The following GALNT13 variants were observed in gnomAD, a reference collection of about 807,000 sequenced individuals.
GALNT13 encodes polypeptide N-acetylgalactosaminyltransferase 13.
In GALNT13, 28 loss-of-function variants were observed where a neutral mutation model predicts 64.2. The observed-to-expected ratio is 0.44, with a 90% confidence interval of 0.32 to 0.60. GALNT13 has a LOEUF of 0.60. Ranked by LOEUF, GALNT13 falls within the 20% of genes least tolerant of loss-of-function variation. The pLI is 0.05. For missense variants in GALNT13, 577 were observed against 669.8 expected (o/e 0.86, Z 1.53); for synonymous variants, 214 against 224.6 (o/e 0.95, Z 0.42).
intron 11 of GALNT13, among the ~76,000 whole-genome samples, chr2:154,428,795 T>TAA (rs1553532868): frequency 1.4e-5 from 2 of 146,732 alleles, no homozygotes; most frequent in African/African-American, 5.2e-5. Context: ...TTTTTTTTTT[T>TAA]ATTTGAGATG....
chr2:153,830,006 A>G, the GALNT13 span, among the ~76,000 whole-genome samples: 1 of 152,178 alleles, frequency 6.6e-6, no homozygotes, highest in African/African-American at 2.4e-5. Context: ...TAAAAATTGT[A>G]TATCTTAGTA....
intron 3 of GALNT13, among the ~76,000 whole-genome samples, chr2:153,959,131 AC>A (rs1365154278): frequency 6.6e-6 from 1 of 152,238 alleles, no homozygotes; most frequent in Non-Finnish European, 1.5e-5. Context: ...AGGGGCTATA[AC>A]CCACCATACT....
intron 4 of GALNT13, among the ~76,000 whole-genome samples, chr2:154,201,518 T>G (rs1325234409): frequency 6.6e-6 from 1 of 152,080 alleles, no homozygotes; most frequent in Non-Finnish European, 1.5e-5. Flanking sequence ...TTACTTTATT[T>G]AAAGTGTCAT....
chr2:153,489,628 A>T, the GALNT13 span, among the ~76,000 whole-genome samples: 1 of 152,320 alleles, frequency 6.6e-6, no homozygotes, highest in Non-Finnish European at 1.5e-5. Context: ...GGAATTACTA[A>T]TCCCCAACCT....
At chr2:153,762,822 T>A in the GALNT13 span, among the ~76,000 whole-genome samples, 2 of 150,898 alleles carry the variant, frequency 1.3e-5, no homozygotes, top group African/African-American at 4.9e-5. Context: ...TATATATATT[T>A]TTTCTTCCTC....
intron 3 of GALNT13, among the ~76,000 whole-genome samples, chr2:154,037,702 A>T (rs937468730): frequency 6.6e-6 from 1 of 152,240 alleles, no homozygotes; most frequent in African/African-American, 2.4e-5. Flanking sequence ...TATCATTCAT[A>T]TATATCAACA....
At chr2:153,648,140 A>C in the GALNT13 span, among the ~76,000 whole-genome samples, 9 of 152,026 alleles carry the variant, frequency 5.9e-5, no homozygotes, top group East Asian at 3.9e-4. Context: ...CTTTTATTTC[A>C]TTGAGCAGTG....
At chr2:153,435,467 A>G in the GALNT13 span, among the ~76,000 whole-genome samples, 44 of 152,048 alleles carry the variant, frequency 2.9e-4, no homozygotes, top group African/African-American at 8.4e-4. Flanking sequence ...ATGAGCATGG[A>G]ATGTTCTTCC....
chr2:153,727,199 A>G, the GALNT13 span, among the ~76,000 whole-genome samples: 1 of 152,142 alleles, frequency 6.6e-6, no homozygotes. Flanking sequence ...CTGATTTCTC[A>G]CATAATATAT....
the GALNT13 span, among the ~76,000 whole-genome samples, chr2:153,626,682 AG>A: frequency 6.6e-6 from 1 of 152,274 alleles, no homozygotes; most frequent in Middle Eastern, 3.4e-3. Flanking sequence ...TGGCTAAATC[AG>A]GGATTGACAA....
the GALNT13 span, among the ~76,000 whole-genome samples, chr2:153,367,016 C>CAAAAAAAAAA: frequency 6.7e-6 from 1 of 148,192 alleles, no homozygotes. Context: ...AACAAACAAA[C>CAAAAAAAAAA]AAAAAAAAAA....
chr2:153,547,623 C>T, the GALNT13 span, among the ~76,000 whole-genome samples: 1 of 152,048 alleles, frequency 6.6e-6, no homozygotes, highest in Non-Finnish European at 1.5e-5. Context: ...TCAAAAATTC[C>T]CACCCTCTTG....
the GALNT13 span, among the ~76,000 whole-genome samples, chr2:153,785,088 A>G: frequency 3.3e-5 from 5 of 152,014 alleles, no homozygotes; most frequent in East Asian, 9.7e-4. Context: ...CCACCTTGGA[A>G]TGGAGCTCCC....
the GALNT13 span, among the ~76,000 whole-genome samples, chr2:153,220,324 A>ATT: frequency 4.6e-5 from 7 of 152,234 alleles, no homozygotes; most frequent in African/African-American, 7.2e-5. Flanking sequence ...CAGTTTCCCA[A>ATT]CAGATAAATA....
chr2:153,742,445 A>T, the GALNT13 span, among the ~76,000 whole-genome samples: 1 of 152,148 alleles, frequency 6.6e-6, no homozygotes, highest in African/African-American at 2.4e-5. Context: ...TAGGGGGTAC[A>T]TATGCAGGCT....
the GALNT13 span, among the ~76,000 whole-genome samples, chr2:153,241,647 C>CTGTG: frequency 7.9e-6 from 1 of 127,146 alleles, no homozygotes; most frequent in Admixed American, 7.8e-5. Context: ...AAGCCAAGTT[C>CTGTG]TGTGTGTGTA....
rs1458205794 is a variant in GALNT13, at chr2:153,983,916, G to A, written c.142+39277G>A. ...CTAAAGGAAAGCAAAGATAATGTGA[G>A]AACAAGACAGGTAAATGTTTAATGG... On this transcript the variant is annotated intron_variant, in intron 3 of 12. Coordinates refer to ENST00000392825, the MANE Select transcript of GALNT13 (RefSeq NM_052917.4). Among the ~76,000 whole-genome samples the A allele has an allele frequency of 2.6e-5, 4 of 152,050 alleles. No individual in the cohort carries two copies. The East Asian group carries it at 5.8e-4, about 22-fold the overall frequency.
At chr2:153,272,051 A>C in the GALNT13 span, among the ~76,000 whole-genome samples, 126,456 of 152,162 alleles carry the variant, frequency 0.83, 53,802 homozygotes, top group African/African-American at 0.93. Flanking sequence ...TGCTGGGAAA[A>C]CTGGCTAGCC....
chr2:153,680,973 A>G, the GALNT13 span, among the ~76,000 whole-genome samples: 2 of 151,980 alleles, frequency 1.3e-5, no homozygotes, highest in African/African-American at 2.4e-5. Context: ...CTTATTTTCT[A>G]TCTTCAGGGC....
Sources: gnomAD v4.1 joint callset for allele counts (sites outside exome capture counted in the v4.1 genomes callset) on GRCh38, gnomAD v4.1.1 for gene constraint, MANE v1.5 for transcripts, NCBI Gene and HGNC (gene_info 2026-07-23, HGNC 2026-07-21) for gene names.